The following VGLL4 variants were observed in gnomAD, a reference collection of about 807,000 sequenced individuals.
VGLL4 encodes the protein transcription cofactor vestigial-like protein 4.
Under a neutral mutation model 21.0 loss-of-function variants are expected in VGLL4, and 7 were observed. The ratio of observed to expected loss-of-function variants is 0.33; its 90% CI spans 0.19 to 0.63. VGLL4 has a LOEUF of 0.63. Ranked by LOEUF, VGLL4 falls within the 20% of genes least tolerant of loss-of-function variation. VGLL4 has a pLI of 0.78. For synonymous variants in VGLL4, 222 were observed against 173.2 expected, an observed-to-expected ratio of 1.28 and a Z score of -2.21; for missense variants, 394 against 425.7, an observed-to-expected ratio of 0.93 and a Z score of 0.66.
In VGLL4 at chr3:11,624,591, A is replaced by C. The variant is rs113023367; in HGVS notation, c.82+18846T>G. ...TCATTAAGTAACCCTCCCATGCCTCAGTTTCCCCATATGGAAAATAGCTAT... is the reference window on the plus strand; with the variant it reads ...TCATTAAGTAACCCTCCCATGCCTCCGTTTCCCCATATGGAAAATAGCTAT... On this transcript the variant is annotated intron_variant, in intron 1 of 4. Transcript: ENST00000430365. Among the ~76,000 whole-genome samples, 45 of 152,188 alleles carry C rather than the reference A, an allele frequency of 3.0e-4. No individual in the cohort carries two copies. The South Asian group carries it at 5.6e-3, about 19-fold the overall frequency.
chr3:11,585,932 C>G (rs951050051), intron 2 of VGLL4, among the ~76,000 whole-genome samples: 1 of 152,138 alleles, frequency 6.6e-6, no homozygotes, highest in Non-Finnish European at 1.5e-5. Context: ...CCGTTGGTCC[C>G]TGGGTGTTTC....
intron 2 of VGLL4, among the ~76,000 whole-genome samples, chr3:11,678,448 G>C (rs568238482): frequency 2.2e-4 from 34 of 152,360 alleles, no homozygotes; most frequent in Non-Finnish European, 1.6e-4. Flanking sequence ...CCAGAACACA[G>C]AGTAGTAATT....
In VGLL4 at chr3:11,601,941, G is replaced by C. The variant is rs753162290; in HGVS notation, c.164C>G (p.Pro55Arg). The change falls in exon 2 of 5, where the codon CCC (proline) becomes CGC (arginine). Residue 55 changes from proline (P) to arginine (R), a missense_variant. Physicochemically the swap from Pro to Arg is moderately radical, Grantham distance 103. Coordinates refer to ENST00000430365, the MANE Select transcript of VGLL4 (RefSeq NM_001128219.3). Reference protein sequence around the residue: ...SALSSHRTGPPPISPSKRKFS... With the variant: ...SALSSHRTGPRPISPSKRKFS... ...CTTCCTCTTGCTGGGGCTGATTGGG[G>C]GAGGGCCGGTGCGGTGACTGCTGAG... 5.6e-6 allele frequency: 9 copies of C among 1,613,400 alleles called. No individual in the cohort carries two copies. The highest frequency in any genetic ancestry group is 7.6e-6 in the Non-Finnish European group (9 of 1,179,728).
intron 2 of VGLL4, among the ~76,000 whole-genome samples, chr3:11,666,068 G>C (rs1350083099): frequency 6.6e-6 from 1 of 152,070 alleles, no homozygotes; most frequent in Non-Finnish European, 1.5e-5. Context: ...GGCTAACACA[G>C]TGAAACCCCG....
chr3:11,695,534 T>C lies in VGLL4; in HGVS notation c.64+7437A>G, dbSNP rs147151266. On this transcript the variant is annotated intron_variant, in intron 2 of 5. Coordinates refer to the VGLL4 transcript ENST00000273038. ...ATGTGCATGATGAAGGAAATAGGGG[T>C]AGATAAAAACAACTGGTGAATCTGG... 6.5e-4 allele frequency among the ~76,000 whole-genome samples: 99 copies of C among 151,898 alleles called. 1 individual carries two copies. In the East Asian group the frequency reaches 0.016, roughly 24 times the overall value.
At chr3:11,573,303 GA>G (rs1559869996) in intron 2 of VGLL4, among the ~76,000 whole-genome samples, 840 of 23,310 alleles carry the variant, frequency 0.036, 70 homozygotes, top group Middle Eastern at 0.081. Flanking sequence ...AAGAAAGAAA[GA>G]AAGGAAGGAA....
rs1425867016 is a variant in VGLL4, at chr3:11,590,674, G to GTGTGTC, written c.272+11158_272+11159insGACACA. Among the ~76,000 whole-genome samples, 25 of 147,692 alleles carry GTGTGTC rather than the reference G, an allele frequency of 1.7e-4. No individual in the cohort carries two copies. In the South Asian group the frequency reaches 5.4e-3, roughly 32 times the overall value. On this transcript the variant is annotated intron_variant, in intron 2 of 4. Transcript: ENST00000430365. ...ATTTCAAAATGAAGAGTGTGTGTGTGTGTGTGTGTGTGTGTGTGTGTGTGT... is the reference window on the plus strand; with the variant it reads ...ATTTCAAAATGAAGAGTGTGTGTGTGTGTGTCTGTGTGTGTGTGTGTGTGTGTGTGT...
intron 1 of VGLL4, among the ~76,000 whole-genome samples, chr3:11,718,467 T>A (rs894171428): frequency 5.3e-5 from 8 of 152,174 alleles, no homozygotes; most frequent in African/African-American, 2.4e-5. Context: ...CTCCCAGTCA[T>A]GCGCAGACTC....
At chr3:11,704,889 G>T (rs1160671438) in intron 1 of VGLL4, among the ~76,000 whole-genome samples, 1 of 152,202 alleles carries the variant, frequency 6.6e-6, no homozygotes, top group African/African-American at 2.4e-5. Context: ...AGAAATAACA[G>T]ATGAATTCTG....
intron 2 of VGLL4, among the ~76,000 whole-genome samples, chr3:11,680,612 T>C (rs1246516044): frequency 6.6e-6 from 1 of 152,078 alleles, no homozygotes; most frequent in African/African-American, 2.4e-5. Context: ...TCAGCCACTC[T>C]TTTCTCACCC....
upstream of VGLL4, among the ~76,000 whole-genome samples, chr3:11,648,439 A>G (rs550049767): frequency 2.0e-5 from 3 of 152,358 alleles, no homozygotes; most frequent in Admixed American, 1.3e-4. Flanking sequence ...TTACAAAACT[A>G]TAAGGATATG....
rs1314148686 is a variant in VGLL4, at chr3:11,556,750, G to GT, written c.*1805dup. On this transcript the variant is annotated 3_prime_UTR_variant, in exon 5 of 5. Coordinates refer to ENST00000430365, the MANE Select transcript of VGLL4 (RefSeq NM_001128219.3). ...TCTCTGTACATTCTTTACGCACAGC[G>GT]TAACGATGGTCTCAAAATCACCCAT... The GT allele has an allele frequency of 2.6e-5, 4 of 152,622 alleles. No homozygotes were observed. Among genetic ancestry groups the GT allele is most frequent in the Non-Finnish European group, 4.4e-5 (3 of 68,038 alleles). The allele number at this position is 152,622 out of a possible 1,614,324, so 9.5% of individuals were successfully genotyped here.
At chr3:11,665,452 A>G (rs2125360298) in intron 2 of VGLL4, among the ~76,000 whole-genome samples, 1 of 152,166 alleles carries the variant, frequency 6.6e-6, no homozygotes, top group East Asian at 1.9e-4. Context: ...CCATATTGAA[A>G]TCCCAACATG....
At chr3:11,713,994 A>G (rs991277703) in intron 1 of VGLL4, among the ~76,000 whole-genome samples, 4 of 152,164 alleles carry the variant, frequency 2.6e-5, no homozygotes, top group African/African-American at 9.7e-5. Context: ...TAGTCATCAC[A>G]ACTACCCTGG....
At chr3:11,571,861 C>T (rs2073790334) in intron 2 of VGLL4, among the ~76,000 whole-genome samples, 1 of 152,122 alleles carries the variant, frequency 6.6e-6, no homozygotes, top group African/African-American at 2.4e-5. Context: ...AATCTCATCA[C>T]TTTGGGAGGC....
chr3:11,670,566 T>C (rs1170218242), intron 2 of VGLL4, among the ~76,000 whole-genome samples: 12 of 152,192 alleles, frequency 7.9e-5, no homozygotes, highest in Admixed American at 7.8e-4. Flanking sequence ...TATGCCTTCA[T>C]TTTTGCATTA....
intron 2 of VGLL4, among the ~76,000 whole-genome samples, chr3:11,575,745 T>A (rs1325136053): frequency 6.6e-6 from 1 of 152,204 alleles, no homozygotes; most frequent in Non-Finnish European, 1.5e-5. Context: ...AAAAGCCAGG[T>A]GGCTGGTTTG....
In VGLL4 at chr3:11,605,514, G is replaced by A. The variant is rs535168545; in HGVS notation, c.83-3492C>T. 2.0e-5 allele frequency among the ~76,000 whole-genome samples: 3 copies of A among 151,916 alleles called. No individual in the cohort carries two copies. In the East Asian group the frequency reaches 5.8e-4, roughly 29 times the overall value. ...ACTAGACTCATCACCATTCCACAGA[G>A]AACTTGTTCTTCCCCCAATCTTCTC... On this transcript the variant is annotated intron_variant, in intron 1 of 4. Transcript: ENST00000430365.
At chr3:11,694,222 T>C (rs1306220670) in intron 2 of VGLL4, among the ~76,000 whole-genome samples, 1 of 152,224 alleles carries the variant, frequency 6.6e-6, no homozygotes, top group Non-Finnish European at 1.5e-5. Context: ...ATGGAGAATC[T>C]TTTTTAAAAT....
Sources: allele counts gnomAD v4.1 joint callset (sites outside exome capture counted in the v4.1 genomes callset), GRCh38; gene constraint gnomAD v4.1.1; transcripts MANE v1.5; gene names NCBI Gene and HGNC (gene_info 2026-07-23, HGNC 2026-07-21).